The following PPP2R2B variants were observed in gnomAD, a reference collection of about 807,000 sequenced individuals.
PPP2R2B encodes the protein serine/threonine-protein phosphatase 2A 55 kDa regulatory subunit B beta isoform.
In PPP2R2B, 5 loss-of-function variants were observed where a neutral mutation model predicts 46.0. The ratio of observed to expected loss-of-function variants is 0.11; its 90% CI spans 0.06 to 0.23. The LOEUF (loss-of-function observed/expected upper bound fraction) is 0.23, where lower values mean the gene tolerates loss of function less well. Ranked by LOEUF, PPP2R2B falls within the 10% of genes least tolerant of loss-of-function variation. The pLI is 1.00. For missense variants in PPP2R2B, 367 were observed against 575.0 expected, an observed-to-expected ratio of 0.64 and a Z score of 3.70; for synonymous variants, 215 against 206.7, an observed-to-expected ratio of 1.04 and a Z score of -0.34.
rs1757413777 is a variant in PPP2R2B, at chr5:147,066,330, AT to A, written c.50+14728del. Among the ~76,000 whole-genome samples, 6 of 152,224 alleles carry A rather than the reference AT, an allele frequency of 3.9e-5. No homozygotes were observed. The South Asian group carries it at 1.2e-3, about 32-fold the overall frequency. ...GAATGCTGACTGTATTCCATGCTGC[AT>A]TGTAAATTCTTTACATGTATTAGCT... On this transcript the variant is annotated intron_variant, in intron 2 of 10. Transcript: ENST00000394413.
Position 146,970,234 on chromosome 5 carries a change from C to T in PPP2R2B, c.79+85431G>A, listed in dbSNP as rs115273344. On this transcript the variant is annotated intron_variant, in intron 1 of 8. Coordinates refer to the PPP2R2B transcript ENST00000336640. ...AAGTGGCAGTGCCCAGATTTGAAAC[C>T]AGTGAGTCTGGCACCAGAACCTACA... Among the ~76,000 whole-genome samples the T allele has an allele frequency of 5.5e-3, 838 of 152,204 alleles. 9 individuals carry two copies. The highest frequency in any genetic ancestry group is 0.02 in the African/African-American group (811 of 41,520).
intron 1 of PPP2R2B, among the ~76,000 whole-genome samples, chr5:146,978,136 G>A (rs1753002718): frequency 1.3e-5 from 2 of 152,132 alleles, no homozygotes; most frequent in African/African-American, 4.8e-5. Flanking sequence ...GTGATAATGA[G>A]CATTTTTTCA....
At chr5:146,939,101 A>G (rs570745302) in intron 1 of PPP2R2B, among the ~76,000 whole-genome samples, 2 of 152,158 alleles carry the variant, frequency 1.3e-5, no homozygotes, top group East Asian at 3.9e-4. Flanking sequence ...TTTATTTTTT[A>G]TGAAGTAGGC....
At chr5:146,978,149 T>C (rs1266672656) in intron 1 of PPP2R2B, among the ~76,000 whole-genome samples, 1 of 152,224 alleles carries the variant, frequency 6.6e-6, no homozygotes, top group East Asian at 1.9e-4. Context: ...TTTTTTCATA[T>C]GTTTGTTGGC....
chr5:146,937,759 T>C lies in PPP2R2B; in HGVS notation c.79+117906A>G, dbSNP rs114263530. On this transcript the variant is annotated intron_variant, in intron 1 of 8. Transcript: ENST00000336640. Reference sequence around the variant, plus strand: ...TACAGCTCTTGGTTATCTGCAACAATAGAGGGAATGTGTGGGACAGATGAT... The same window carrying C: ...TACAGCTCTTGGTTATCTGCAACAACAGAGGGAATGTGTGGGACAGATGAT... Among the ~76,000 whole-genome samples, 740 of 152,276 alleles carry C rather than the reference T, an allele frequency of 4.9e-3. 5 individuals are homozygous for C. Among genetic ancestry groups the C allele is most frequent in the African/African-American group, 0.017 (706 of 41,568 alleles).
intron 2 of PPP2R2B, among the ~76,000 whole-genome samples, chr5:146,856,983 T>C (rs1561963449): frequency 6.6e-6 from 1 of 152,214 alleles, no homozygotes; most frequent in African/African-American, 2.4e-5. Flanking sequence ...GTGATTCTAA[T>C]GCACGTTAAA....
chr5:146,644,123 A>C (rs1775412111), intron 6 of PPP2R2B, among the ~76,000 whole-genome samples: 1 of 152,126 alleles, frequency 6.6e-6, no homozygotes, highest in South Asian at 2.1e-4. Flanking sequence ...ATTTACCAAA[A>C]AATAACTTGT....
intron 3 of PPP2R2B, 96 bp downstream of exon 3, chr5:146,700,949 A>G: frequency 1.8e-6 from 2 of 1,117,404 alleles, no homozygotes; most frequent in East Asian, 4.7e-5. Flanking sequence ...CGAGCAAAGC[A>G]GCAAGGTTAA....
intron 4 of PPP2R2B, among the ~76,000 whole-genome samples, chr5:146,693,197 C>T (rs1278172459): frequency 6.6e-6 from 1 of 151,052 alleles, no homozygotes; most frequent in African/African-American, 2.4e-5. Flanking sequence ...TTCCTCTCTC[C>T]TTTCTTCCCT....
intron 1 of PPP2R2B, among the ~76,000 whole-genome samples, chr5:146,993,070 G>A (rs184184733): frequency 1.3e-5 from 2 of 152,074 alleles, no homozygotes; most frequent in East Asian, 1.9e-4. Flanking sequence ...AGTCTCCTGA[G>A]TAGCTGGGAC....
rs186801197 is a variant in PPP2R2B at position 146,750,298 on chromosome 5, T to C, written c.71-49156A>G. On this transcript the variant is annotated intron_variant, in intron 2 of 9. Transcript: ENST00000394411. ...ATTTTGGTTCCTTTGGTTTTCCATA[T>C]ACATTTTAGAATAATCAGATCTGTA... 5.8e-4 allele frequency among the ~76,000 whole-genome samples: 89 copies of C among 152,358 alleles called. 1 individual carries two copies. Among genetic ancestry groups the C allele is most frequent in the Admixed American group, 4.9e-3 (75 of 15,312 alleles).
intron 1 of PPP2R2B, among the ~76,000 whole-genome samples, chr5:146,985,901 A>C (rs116533611): frequency 6.6e-6 from 1 of 152,220 alleles, no homozygotes; most frequent in African/African-American, 2.4e-5. Context: ...AATTGGTATC[A>C]TTTCTATACA....
intron 4 of PPP2R2B, among the ~76,000 whole-genome samples, chr5:146,693,685 T>G (rs1173851728): frequency 1.3e-5 from 2 of 152,208 alleles, no homozygotes; most frequent in African/African-American, 4.8e-5. Flanking sequence ...TCTTTATTTG[T>G]AAACTGGGGA....
intron 1 of PPP2R2B, among the ~76,000 whole-genome samples, chr5:146,942,429 T>C (rs1455262006): frequency 6.6e-6 from 1 of 152,240 alleles, no homozygotes; most frequent in Non-Finnish European, 1.5e-5. Context: ...ACAGAAGCAG[T>C]TGAAGATGTC....
At chr5:146,739,961 G>A (rs779977423) in intron 2 of PPP2R2B, among the ~76,000 whole-genome samples, 26 of 152,200 alleles carry the variant, frequency 1.7e-4, no homozygotes, top group Non-Finnish European at 3.5e-4. Context: ...TGGACCTCTT[G>A]AAAATACTTG....
intron 7 of PPP2R2B, among the ~76,000 whole-genome samples, chr5:146,602,520 C>T (rs547355417): frequency 1.3e-5 from 2 of 152,152 alleles, no homozygotes; most frequent in South Asian, 4.2e-4. Flanking sequence ...CAATTTTAGG[C>T]TGAACCAAAC....
At chr5:146,821,114 CA>C (rs1758233840) in intron 2 of PPP2R2B, among the ~76,000 whole-genome samples, 1 of 152,102 alleles carries the variant, frequency 6.6e-6, no homozygotes, top group Non-Finnish European at 1.5e-5. Context: ...AACCTTCTCA[CA>C]TACTAAAAAA....
intron 2 of PPP2R2B, among the ~76,000 whole-genome samples, chr5:146,841,678 C>T (rs1313597815): frequency 6.6e-6 from 1 of 152,104 alleles, no homozygotes; most frequent in Admixed American, 6.5e-5. Flanking sequence ...CAAACTAACA[C>T]AAGAACAGAA....
chr5:146,946,409 G>A (rs1451932296), intron 1 of PPP2R2B, among the ~76,000 whole-genome samples: 1 of 152,074 alleles, frequency 6.6e-6, no homozygotes, highest in Non-Finnish European at 1.5e-5. Context: ...AAGTTCTGGG[G>A]TGTAAGTTAG....
Sources: allele counts gnomAD v4.1 joint callset (sites outside exome capture counted in the v4.1 genomes callset), GRCh38; gene constraint gnomAD v4.1.1; transcripts MANE v1.5; gene names NCBI Gene and HGNC (gene_info 2026-07-23, HGNC 2026-07-21).